DENND6A: variants seen among roughly 807,000 people sequenced by gnomAD.
DENND6A encodes DENN domain containing 6A.
In DENND6A, 43 loss-of-function variants were observed where a neutral mutation model predicts 95.5. The ratio of observed to expected loss-of-function variants is 0.45; its 90% confidence interval spans 0.35 to 0.58. The LOEUF (loss-of-function observed/expected upper bound fraction) is 0.58. Ranked by LOEUF, DENND6A falls within the 20% of genes least tolerant of loss-of-function variation. The pLI is 0.00. For synonymous variants in DENND6A, 257 were observed against 260.4 expected, an observed-to-expected ratio of 0.99 and a Z score of 0.13; for missense variants, 574 against 736.0, an observed-to-expected ratio of 0.78 and a Z score of 2.55.
chr3:57,679,366 G>A (rs11717880), intron 1 of DENND6A: 20,065 of 356,992 alleles, frequency 0.056, 675 homozygotes, highest in Non-Finnish European at 0.068. Context: ...CTTTTTCATT[G>A]TTGTTGTTAC....
chr3:57,672,608 C>G (rs148383358), intron 1 of DENND6A, among the ~76,000 whole-genome samples, 170 bp from the exon 2 acceptor site: 1,992 of 152,088 alleles, frequency 0.013, 49 homozygotes, highest in African/African-American at 0.045. Context: ...CATGCCGAAA[C>G]CCCGTCTCTA....
rs2070544563 is a variant in DENND6A at position 57,626,983 on chromosome 3, AC to A, written c.*1230del. 6.6e-6 allele frequency: 1 copy of A among 152,156 alleles called. No individual in the cohort carries two copies. Among genetic ancestry groups the A allele is most frequent in the South Asian group, 2.1e-4 (1 of 4,826 alleles). The allele number at this position is 152,156 out of a possible 1,614,324, so 9.4% of individuals were successfully genotyped here. Reference sequence around the variant, plus strand: ...AATGCCAGAAATCAATCTTATCATCACTCAAATAAGTATCACATAAAAAACT... The same window carrying A: ...AATGCCAGAAATCAATCTTATCATCATCAAATAAGTATCACATAAAAAACT... On this transcript the variant is annotated 3_prime_UTR_variant, in exon 20 of 20. Transcript: ENST00000311128.
intron 12 of DENND6A, among the ~76,000 whole-genome samples, chr3:57,638,591 G>A (rs1446866672): frequency 4.6e-5 from 7 of 151,966 alleles, no homozygotes; most frequent in Non-Finnish European, 8.8e-5. Flanking sequence ...CCGGGAGGTG[G>A]AGGTTGCAGT....
chr3:57,662,769 G>C (rs2153415704), intron 5 of DENND6A, among the ~76,000 whole-genome samples: 1 of 151,530 alleles, frequency 6.6e-6, no homozygotes, highest in East Asian at 1.9e-4. Context: ...ATTCAATAGA[G>C]GTTAAACATA....
At chr3:57,660,706 T>C in intron 7 of DENND6A, 54 bp downstream of exon 7, 2 of 1,497,766 alleles carry the variant, frequency 1.3e-6, no homozygotes, top group Non-Finnish European at 9.0e-7. Context: ...AGACCCTGTC[T>C]CAAAAAAATA....
At chr3:57,643,298 T>A (rs911970063) in intron 11 of DENND6A, among the ~76,000 whole-genome samples, 4 of 152,024 alleles carry the variant, frequency 2.6e-5, no homozygotes, top group African/African-American at 7.3e-5. Flanking sequence ...AGAAGAGGTA[T>A]GAGATTAGGG....
At position 57,630,761 on chromosome 3, in the gene DENND6A, G is replaced by A; in HGVS notation, c.1471C>T (p.Pro491Ser). Residue 491 changes from proline to serine, a missense_variant, in exon 17 of 20, where the codon CCT (proline) becomes TCT (serine). Physicochemically the swap from Pro to Ser is moderately conservative, Grantham distance 74. Transcript: ENST00000311128. ...EFMKTLEKTG[P>S]QLTSRIKGDW... ...CCTTTTATTCTAGAGGTTAGCTGAG[G>A]TCCTGTTTTCTCAAGTGTTTTCATA... The A allele has an allele frequency of 6.2e-7, 1 of 1,614,036 alleles. No homozygotes were observed. Among genetic ancestry groups the A allele is most frequent in the Non-Finnish European group, 8.5e-7 (1 of 1,179,978 alleles).
At chr3:57,679,430 T>C (rs1350494444) in intron 1 of DENND6A, 1 of 894,214 alleles carries the variant, frequency 1.1e-6, no homozygotes, top group Non-Finnish European at 1.3e-6. Flanking sequence ...TCATCTCTTC[T>C]TCACTTCAAT....
At chr3:57,656,755 G>C (rs1461125504) in intron 9 of DENND6A, among the ~76,000 whole-genome samples, 1 of 152,212 alleles carries the variant, frequency 6.6e-6, no homozygotes, top group East Asian at 1.9e-4. Context: ...TCAGGAGTTC[G>C]AGACCAGCCT....
chr3:57,656,299 T>G (rs1252599099), intron 9 of DENND6A, among the ~76,000 whole-genome samples: 2 of 152,212 alleles, frequency 1.3e-5, no homozygotes, highest in African/African-American at 4.8e-5. Flanking sequence ...TCTGGAAACT[T>G]TCACTTAGCA....
intron 15 of DENND6A, among the ~76,000 whole-genome samples, chr3:57,632,593 A>G (rs2070710264): frequency 6.6e-6 from 1 of 152,208 alleles, no homozygotes; most frequent in South Asian, 2.1e-4. Context: ...AAAATATAAC[A>G]GCAAAGATCT....
rs572996100 is a variant in DENND6A at position 57,645,465 on chromosome 3, A to C, written c.1037+196T>G. Among the ~76,000 whole-genome samples, 10 of 152,316 alleles carry C rather than the reference A, an allele frequency of 6.6e-5. No homozygotes were observed. The East Asian group carries it at 1.9e-3, about 29-fold the overall frequency. ...GACAGAGCAAACCTCTGTCTCAAAA[A>C]TAAATAAATAAAAATAAATACATAA... On this transcript the variant is annotated intron_variant, in intron 11 of 19. Transcript: ENST00000311128.
intron 9 of DENND6A, among the ~76,000 whole-genome samples, chr3:57,649,639 A>AT (rs1437883065): frequency 5.9e-4 from 86 of 146,710 alleles, no homozygotes; most frequent in African/African-American, 2.0e-3. Context: ...TGAAAAAAAA[A>AT]AAATATATAT....
chr3:57,685,240 T>C (rs1481540067), intron 1 of DENND6A, among the ~76,000 whole-genome samples: 1 of 152,080 alleles, frequency 6.6e-6, no homozygotes, highest in Non-Finnish European at 1.5e-5. Flanking sequence ...CTTGTTTATA[T>C]GAGTTATATC....
chr3:57,682,281 C>CAAAAAA (rs10618015), intron 1 of DENND6A, among the ~76,000 whole-genome samples: 18 of 53,562 alleles, frequency 3.4e-4, no homozygotes, highest in African/African-American at 1.1e-3. Context: ...GACTCCGTCT[C>CAAAAAA]AAAAAAAAAA....
chr3:57,692,898 C>A lies in DENND6A; in HGVS notation c.121G>T (p.Asp41Tyr), dbSNP rs1234629732. 12 of 1,570,824 alleles carry A rather than the reference C, an allele frequency of 7.6e-6. No homozygotes were observed. The highest frequency in any genetic ancestry group is 1.0e-5 in the Non-Finnish European group (12 of 1,163,938). ...CCACGGCCATCGTCCTCTTCATCGTCCTCTGGCGCGCCTCCCGCCGCCACA... is the reference window on the plus strand; with the variant it reads ...CCACGGCCATCGTCCTCTTCATCGTACTCTGGCGCGCCTCCCGCCGCCACA... The part of the protein sequence containing the change: ...ALVAAGGAPE[D>Y]DEEDDGRGRG... Residue 41 changes from aspartate to tyrosine, a missense_variant, in exon 1 of 20, where the codon GAC becomes TAC. Transcript: ENST00000311128.
At chr3:57,659,776 T>G (rs1292982331) in intron 7 of DENND6A, among the ~76,000 whole-genome samples, 1 of 152,208 alleles carries the variant, frequency 6.6e-6, no homozygotes, top group African/African-American at 2.4e-5. Context: ...AACAAAACCC[T>G]GGGATGAACA....
Position 57,627,103 on chromosome 3 carries a change from ATTAGT to A in DENND6A, c.*1106_*1110del, listed in dbSNP as rs899664754. 4.7e-4 allele frequency: 72 copies of A among 152,294 alleles called. No individual in the cohort carries two copies. Among genetic ancestry groups the A allele is most frequent in the African/African-American group, 1.6e-3 (68 of 41,572 alleles). 9.4% of individuals were successfully genotyped at this position (152,294 alleles called of 1,614,324 possible). A position where few individuals can be genotyped will look rare whatever the true frequency, so the allele number is the denominator to read the frequency against. On this transcript the variant is annotated 3_prime_UTR_variant, in exon 20 of 20. Transcript: ENST00000311128. ...ATGTCTTTGAAAAGCAGCCAAGTTCATTAGTTTAAACATTTAATAATATTTAAATT... is the reference window on the plus strand; with the variant it reads ...ATGTCTTTGAAAAGCAGCCAAGTTCATTAAACATTTAATAATATTTAAATT...
chr3:57,651,069 C>G (rs529944406), intron 9 of DENND6A, among the ~76,000 whole-genome samples: 1 of 152,202 alleles, frequency 6.6e-6, no homozygotes, highest in South Asian at 2.1e-4. Context: ...CAGGCGTGAG[C>G]CACTGCACCT....
Sources: allele counts gnomAD v4.1 joint callset (sites outside exome capture counted in the v4.1 genomes callset), GRCh38; gene constraint gnomAD v4.1.1; transcripts MANE v1.5; gene names NCBI Gene and HGNC (gene_info 2026-07-23, HGNC 2026-07-21).